The following CACNA2D3 variants were observed in gnomAD, a reference collection of about 807,000 sequenced individuals.
CACNA2D3 encodes calcium voltage-gated channel auxiliary subunit alpha2delta 3, also known as voltage-dependent calcium channel subunit alpha-2/delta-3.
Under a neutral mutation model 160.6 loss-of-function variants are expected in CACNA2D3, and 60 were observed. The ratio of observed to expected loss-of-function variants is 0.37; its 90% CI spans 0.30 to 0.46. The LOEUF is 0.46. CACNA2D3 is among the 20% of genes least tolerant of loss of function. CACNA2D3 has a pLI of 1.00. For missense variants in CACNA2D3, 1,205 were observed against 1,365.0 expected (o/e 0.88, Z 1.85); for synonymous variants, 558 against 492.9 (o/e 1.13, Z -1.75).
intron 11 of CACNA2D3, among the ~76,000 whole-genome samples, chr3:54,695,069 G>C: frequency 6.6e-6 from 1 of 152,116 alleles, no homozygotes; most frequent in Non-Finnish European, 1.5e-5. Flanking sequence ...CCAGGCTGGA[G>C]TGCAATGGCA....
At chr3:54,685,775 T>G (rs1700438822) in intron 11 of CACNA2D3, among the ~76,000 whole-genome samples, 1 of 152,172 alleles carries the variant, frequency 6.6e-6, no homozygotes, top group African/African-American at 2.4e-5. Flanking sequence ...CCCCTGGTCA[T>G]TTTGTGTTTT....
intron 12 of CACNA2D3, among the ~76,000 whole-genome samples, chr3:54,763,715 G>T (rs1241118087): frequency 1.6e-5 from 2 of 122,596 alleles, no homozygotes; most frequent in African/African-American, 2.8e-5. Flanking sequence ...GTATATATAT[G>T]TACATATATA....
intron 17 of CACNA2D3, among the ~76,000 whole-genome samples, chr3:54,847,164 G>A (rs1407323024): frequency 6.6e-6 from 1 of 152,212 alleles, no homozygotes; most frequent in South Asian, 2.1e-4. Flanking sequence ...TGCCCTTGGG[G>A]CATTGGCCAC....
intron 13 of CACNA2D3, among the ~76,000 whole-genome samples, chr3:54,813,192 C>T (rs1431280004): frequency 6.6e-6 from 1 of 152,162 alleles, no homozygotes; most frequent in African/African-American, 2.4e-5. Flanking sequence ...ACAGAGAATC[C>T]TACAGTCTGC....
At chr3:54,668,186 TAGTA>T (rs1168301433) in intron 11 of CACNA2D3, among the ~76,000 whole-genome samples, 1 of 152,162 alleles carries the variant, frequency 6.6e-6, no homozygotes, top group African/African-American at 2.4e-5. Flanking sequence ...CCTTAAATAT[TAGTA>T]AGAAGTTAGA....
intron 17 of CACNA2D3, among the ~76,000 whole-genome samples, chr3:54,857,681 G>C (rs1036571058): frequency 1.3e-5 from 2 of 152,088 alleles, no homozygotes; most frequent in South Asian, 2.1e-4. Flanking sequence ...CTGTTCTCAG[G>C]GACTTCTGAG....
intron 8 of CACNA2D3, among the ~76,000 whole-genome samples, chr3:54,571,864 A>G (rs903532965): frequency 6.6e-6 from 1 of 152,146 alleles, no homozygotes; most frequent in African/African-American, 2.4e-5. Context: ...TCAGCTGTGA[A>G]GTAGGTGTGC....
chr3:54,584,761 C>G (rs1031930160), intron 9 of CACNA2D3, among the ~76,000 whole-genome samples: 2 of 152,048 alleles, frequency 1.3e-5, no homozygotes, highest in African/African-American at 4.8e-5. Context: ...AGAAAAAAAT[C>G]TAGAAACAGC....
At chr3:54,554,865 A>ACT (rs1553723765) in intron 5 of CACNA2D3, among the ~76,000 whole-genome samples, 8 of 88,348 alleles carry the variant, frequency 9.1e-5, no homozygotes, top group African/African-American at 2.9e-4. Context: ...TTTCTCTCTC[A>ACT]CTCTCTTTTT....
At chr3:54,212,848 T>TC (rs1701399415) in intron 2 of CACNA2D3, among the ~76,000 whole-genome samples, 1 of 152,164 alleles carries the variant, frequency 6.6e-6, no homozygotes, top group Non-Finnish European at 1.5e-5. Flanking sequence ...GGCTTCAGTT[T>TC]CCTCAAGTGT....
chr3:54,655,006 A>G lies in CACNA2D3; in HGVS notation c.1167+12765A>G, dbSNP rs1699851124. Among the ~76,000 whole-genome samples, 2 of 152,214 alleles carry G rather than the reference A, an allele frequency of 1.3e-5. 1 individual carries two copies. Among genetic ancestry groups the G allele is most frequent in the Non-Finnish European group, 2.9e-5 (2 of 68,028 alleles). On this transcript the variant is annotated intron_variant, in intron 11 of 37. Coordinates refer to ENST00000474759, the MANE Select transcript of CACNA2D3 (RefSeq NM_018398.3). Reference sequence around the variant, plus strand: ...GCAGAAACGTGGTTTGCAGAGCCCCAGCGCCAGTCCCAAGCTGGGGGCCCA... The same window carrying G: ...GCAGAAACGTGGTTTGCAGAGCCCCGGCGCCAGTCCCAAGCTGGGGGCCCA...
At chr3:54,855,323 T>A (rs747826471) in intron 17 of CACNA2D3, among the ~76,000 whole-genome samples, 18 of 152,200 alleles carry the variant, frequency 1.2e-4, no homozygotes, top group Non-Finnish European at 2.5e-4. Flanking sequence ...CCTCTGACCC[T>A]TCATGCAGAT....
At chr3:54,425,271 C>T (rs1699895108) in intron 4 of CACNA2D3, among the ~76,000 whole-genome samples, 1 of 152,188 alleles carries the variant, frequency 6.6e-6, no homozygotes, top group Admixed American at 6.5e-5. Context: ...GTGGCAGTTG[C>T]AGTGAGCCGA....
intron 2 of CACNA2D3, among the ~76,000 whole-genome samples, chr3:54,289,377 A>G (rs1363487709): frequency 1.6e-4 from 24 of 152,182 alleles, no homozygotes; most frequent in Non-Finnish European, 3.2e-4. Flanking sequence ...TTCAAGGAGA[A>G]CTACAAACCA....
chr3:54,179,561 G>T (rs1700743109), intron 2 of CACNA2D3, among the ~76,000 whole-genome samples: 1 of 152,178 alleles, frequency 6.6e-6, no homozygotes, highest in African/African-American at 2.4e-5. Context: ...TGGACTGAAT[G>T]CTTATGTTCC....
intron 5 of CACNA2D3, among the ~76,000 whole-genome samples, chr3:54,524,396 T>C (rs905648359): frequency 1.3e-5 from 2 of 152,270 alleles, no homozygotes; most frequent in East Asian, 3.9e-4. Context: ...TTAAAATTTA[T>C]TGAAGTTTGT....
chr3:54,361,937 C>T (rs568303694), intron 3 of CACNA2D3, among the ~76,000 whole-genome samples: 3 of 152,268 alleles, frequency 2.0e-5, no homozygotes, highest in Middle Eastern at 3.4e-3. Context: ...ACTCAGCATG[C>T]AGATAGGCCT....
chr3:54,266,038 G>C (rs931277990), intron 2 of CACNA2D3, among the ~76,000 whole-genome samples: 1 of 152,100 alleles, frequency 6.6e-6, no homozygotes, highest in Non-Finnish European at 1.5e-5. Context: ...GAAAAATATG[G>C]GCCAATTTTT....
chr3:54,745,999 C>A (rs1701747113), intron 11 of CACNA2D3, among the ~76,000 whole-genome samples: 1 of 152,180 alleles, frequency 6.6e-6, no homozygotes, highest in Non-Finnish European at 1.5e-5. Flanking sequence ...TATTGCTGTT[C>A]AGGGTAGCGT....
Sources: gnomAD v4.1 joint callset for allele counts (sites outside exome capture counted in the v4.1 genomes callset) on GRCh38, gnomAD v4.1.1 for gene constraint, MANE v1.5 for transcripts, NCBI Gene and HGNC (gene_info 2026-07-23, HGNC 2026-07-21) for gene names.